Variants in ZMAT4 observed in about 807,000 individuals in gnomAD.
ZMAT4 encodes the protein zinc finger matrin-type 4.
Under a neutral mutation model 28.7 loss-of-function variants are expected in ZMAT4, and 17 were observed. The ratio of observed to expected loss-of-function variants is 0.59; its 90% confidence interval spans 0.41 to 0.89. ZMAT4 has a LOEUF of 0.89. Ranked by LOEUF, ZMAT4 falls within the 40% of genes least tolerant of loss-of-function variation. The pLI is 0.00. For synonymous variants in ZMAT4, 117 were observed against 109.2 expected (o/e 1.07, Z -0.44); for missense variants, 240 against 283.8 (o/e 0.85, Z 1.11).
At chr8:40,753,797 C>T (rs1812557044) in intron 3 of ZMAT4, among the ~76,000 whole-genome samples, 1 of 152,170 alleles carries the variant, frequency 6.6e-6, no homozygotes, top group African/African-American at 2.4e-5. Context: ...TAAGCTCCTT[C>T]CACATGTTTT....
At chr8:40,883,949 A>G (rs1297283382) in intron 1 of ZMAT4, among the ~76,000 whole-genome samples, 1 of 152,270 alleles carries the variant, frequency 6.6e-6, no homozygotes, top group South Asian at 2.1e-4. Context: ...GAGCTCACAG[A>G]GCCCCTTTCG....
chr8:40,861,290 T>C (rs933686486), intron 1 of ZMAT4, among the ~76,000 whole-genome samples: 7 of 152,196 alleles, frequency 4.6e-5, no homozygotes, highest in Non-Finnish European at 8.8e-5. Context: ...AACCATCTGA[T>C]CTTTGACAAA....
intron 5 of ZMAT4, among the ~76,000 whole-genome samples, chr8:40,644,138 T>C (rs1283110165): frequency 6.6e-6 from 1 of 152,140 alleles, no homozygotes; most frequent in Non-Finnish European, 1.5e-5. Context: ...AGTAGAGAAA[T>C]GGATAAGCTT....
intron 5 of ZMAT4, among the ~76,000 whole-genome samples, chr8:40,666,575 T>C (rs1808424238): frequency 6.6e-6 from 1 of 152,112 alleles, no homozygotes; most frequent in African/African-American, 2.4e-5. Context: ...ACTATTAAAG[T>C]ATATACTAAT....
intron 5 of ZMAT4, among the ~76,000 whole-genome samples, chr8:40,669,391 C>CA (rs1215221640): frequency 6.6e-6 from 1 of 151,774 alleles, no homozygotes; most frequent in African/African-American, 2.4e-5. Flanking sequence ...AATAAAAAAG[C>CA]AAAAAAGTCA....
intron 2 of ZMAT4, among the ~76,000 whole-genome samples, chr8:40,804,846 A>C (rs1815008373): frequency 6.6e-6 from 1 of 152,068 alleles, no homozygotes; most frequent in African/African-American, 2.4e-5. Context: ...GTCTTAAAAA[A>C]ATAATAATAA....
chr8:40,820,909 G>GTATGTGTGTGTT (rs368020860), intron 2 of ZMAT4, among the ~76,000 whole-genome samples: 142,441 of 146,150 alleles, frequency 0.97, 69,502 homozygotes, highest in Non-Finnish European at 1. Context: ...GTGTTTGTGT[G>GTATGTGTGTGTT]TATGTGTGTG....
At chr8:40,787,935 T>C (rs10808943) in intron 2 of ZMAT4, among the ~76,000 whole-genome samples, 44,816 of 151,966 alleles carry the variant, frequency 0.29, 6,743 homozygotes, top group East Asian at 0.37. Context: ...AAAGCAAAAC[T>C]ATGGATAAGG....
chr8:40,647,403 C>T (rs562089604), intron 5 of ZMAT4, among the ~76,000 whole-genome samples: 145 of 152,324 alleles, frequency 9.5e-4, no homozygotes, highest in African/African-American at 3.4e-3. Context: ...GATTATATCC[C>T]GCACCTGGCT....
intron 5 of ZMAT4, among the ~76,000 whole-genome samples, chr8:40,661,203 C>T (rs895969052): frequency 2.0e-5 from 3 of 152,132 alleles, no homozygotes; most frequent in Non-Finnish European, 4.4e-5. Flanking sequence ...CAGGTTCAAG[C>T]GATTCTTTTG....
At chr8:40,777,298 T>A (rs926435656) in intron 2 of ZMAT4, among the ~76,000 whole-genome samples, 1 of 152,204 alleles carries the variant, frequency 6.6e-6, no homozygotes, top group African/African-American at 2.4e-5. Flanking sequence ...AGCACACACC[T>A]GGCTGCAGAT....
intron 3 of ZMAT4, among the ~76,000 whole-genome samples, chr8:40,731,990 C>T (rs772964872): frequency 6.6e-6 from 1 of 152,104 alleles, no homozygotes. Flanking sequence ...AAATACTGTG[C>T]GATTCCACTT....
At chr8:40,877,192 T>G (rs1436568256) in intron 1 of ZMAT4, among the ~76,000 whole-genome samples, 1 of 152,110 alleles carries the variant, frequency 6.6e-6, no homozygotes, top group Non-Finnish European at 1.5e-5. Context: ...AGAACAGTGG[T>G]CAGGGGCAGA....
At chr8:40,722,568 T>G (rs1235091011) in intron 3 of ZMAT4, among the ~76,000 whole-genome samples, 1 of 152,190 alleles carries the variant, frequency 6.6e-6, no homozygotes, top group Non-Finnish European at 1.5e-5. Flanking sequence ...TAAATTGCCA[T>G]CAAATATGAT....
intron 5 of ZMAT4, among the ~76,000 whole-genome samples, chr8:40,609,779 C>T (rs1231970481): frequency 6.6e-6 from 1 of 152,046 alleles, no homozygotes; most frequent in Admixed American, 6.5e-5. Flanking sequence ...ATTCTTATAG[C>T]TTTGAACCTT....
intron 2 of ZMAT4, among the ~76,000 whole-genome samples, chr8:40,804,461 C>A (rs900676762): frequency 6.6e-6 from 1 of 152,124 alleles, no homozygotes; most frequent in African/African-American, 2.4e-5. Context: ...ATAAATCAGT[C>A]AATCTATCTA....
intron 1 of ZMAT4, among the ~76,000 whole-genome samples, chr8:40,836,824 A>C (rs1816509329): frequency 6.6e-6 from 1 of 152,172 alleles, no homozygotes; most frequent in African/African-American, 2.4e-5. Flanking sequence ...GCCAGATCTC[A>C]GCTTTGCTTT....
chr8:40,821,986 A>C (rs1815846708), intron 2 of ZMAT4, among the ~76,000 whole-genome samples: 1 of 152,206 alleles, frequency 6.6e-6, no homozygotes, highest in African/African-American at 2.4e-5. Flanking sequence ...TTTCTTGGCC[A>C]TAATAGCTCT....
intron 2 of ZMAT4, among the ~76,000 whole-genome samples, chr8:40,801,108 T>G (rs931117406): frequency 1.3e-5 from 2 of 151,360 alleles, no homozygotes; most frequent in African/African-American, 4.8e-5. Flanking sequence ...GTCCAAAAAT[T>G]TAATAACCTA....
Sources: allele counts gnomAD v4.1 joint callset (sites outside exome capture counted in the v4.1 genomes callset), GRCh38; gene constraint gnomAD v4.1.1; transcripts MANE v1.5; gene names NCBI Gene and HGNC (gene_info 2026-07-23, HGNC 2026-07-21).